SUN1: variants seen among roughly 807,000 people sequenced by gnomAD.
SUN1 encodes SUN domain-containing protein 1.
SUN1 carries 61 observed loss-of-function variants against 103.2 expected under a neutral mutation model. The ratio of observed to expected loss-of-function variants is 0.59; its 90% CI spans 0.48 to 0.73. SUN1 has a LOEUF of 0.73. SUN1 is among the 30% of genes least tolerant of loss of function. The pLI, the probability that SUN1 is intolerant of heterozygous loss-of-function variation, is 0.00. For synonymous variants in SUN1, 490 were observed against 425.7 expected (o/e 1.15, Z -1.86); for missense variants, 1,052 against 1,034.6 (o/e 1.02, Z -0.23).
chr7:872,902 C>G (rs1241867057), intron 18 of SUN1, among the ~76,000 whole-genome samples: 4 of 152,200 alleles, frequency 2.6e-5, no homozygotes, highest in African/African-American at 9.6e-5. Context: ...GCCTGACCAA[C>G]ATGGCGAAAC....
At chr7:863,134 T>A (rs997756761) in intron 15 of SUN1, among the ~76,000 whole-genome samples, 2 of 152,078 alleles carry the variant, frequency 1.3e-5, no homozygotes, top group Non-Finnish European at 2.9e-5. Flanking sequence ...AGAGCGAGAC[T>A]CCATCTCAAA....
chr7:852,990 A>G (rs377208699), intron 9 of SUN1, 38 bp downstream of exon 9: 12 of 1,587,224 alleles, frequency 7.6e-6, no homozygotes, highest in African/African-American at 5.4e-5. Context: ...GGCACTGCAC[A>G]TGTGAGGTCT....
intron 1 of SUN1, among the ~76,000 whole-genome samples, chr7:827,441 A>G (rs1271114077): frequency 6.6e-6 from 1 of 150,516 alleles, no homozygotes; most frequent in East Asian, 2.0e-4. Context: ...AGTGATATGG[A>G]GAGTAGGACT....
In SUN1 at chr7:838,887, T is replaced by G; in HGVS notation, c.167T>G (p.Leu56Trp). The G allele has an allele frequency of 6.2e-7, 1 of 1,609,444 alleles. No individual in the cohort carries two copies. The change falls in exon 2 of 19, where the codon TTG becomes TGG. Residue 56 changes from leucine (L) to tryptophan (W), a missense_variant. This residue lies in a region of SUN1 where 846 missense variants were observed against 774.5 expected (regional missense o/e 1.09). Coordinates refer to ENST00000401592, the MANE Select transcript of SUN1 (RefSeq NM_001130965.3). Reference sequence around the variant, plus strand: ...TCTCCACGGATGTCCCGCCGTAGTTTGCGCCTGGCCACGACAGCATGCACC... The same window carrying G: ...TCTCCACGGATGTCCCGCCGTAGTTGGCGCCTGGCCACGACAGCATGCACC... ...FDSPRMSRRSLRLATTACTLG... is the reference protein window; with the variant it reads ...FDSPRMSRRSWRLATTACTLG...
chr7:817,511 G>A (rs1354946539), intron 1 of SUN1: 1 of 1,535,816 alleles, frequency 6.5e-7, no homozygotes. Flanking sequence ...TGGGCGGTGC[G>A]GTCCGAGGTC....
intron 1 of SUN1, among the ~76,000 whole-genome samples, chr7:818,999 G>T (rs1239548109): frequency 6.6e-6 from 1 of 151,976 alleles, no homozygotes; most frequent in Non-Finnish European, 1.5e-5. Flanking sequence ...GAATAGCTGG[G>T]ATTACAGGTG....
At chr7:840,639 CTTTTT>C (rs540064618) in intron 2 of SUN1, among the ~76,000 whole-genome samples, 55,176 of 127,642 alleles carry the variant, frequency 0.43, 10,305 homozygotes, top group East Asian at 0.51. Flanking sequence ...ACCATCTATT[CTTTTT>C]TTTTTTTTTT....
At chr7:840,007 CA>C (rs1347836966) in intron 2 of SUN1, among the ~76,000 whole-genome samples, 2 of 152,254 alleles carry the variant, frequency 1.3e-5, no homozygotes, top group Non-Finnish European at 1.5e-5. Context: ...CAAAAGTCTA[CA>C]AGATCTTTGT....
intron 16 of SUN1, among the ~76,000 whole-genome samples, chr7:867,381 T>C (rs1331252491): frequency 1.3e-5 from 2 of 152,276 alleles, no homozygotes; most frequent in Non-Finnish European, 2.9e-5. Context: ...ACAGGTTTTC[T>C]GCACAGGGTT....
At chr7:846,349 C>T (rs535321294) in intron 5 of SUN1, among the ~76,000 whole-genome samples, 24 of 152,276 alleles carry the variant, frequency 1.6e-4, no homozygotes, top group Non-Finnish European at 2.8e-4. Context: ...CCTTGTGATC[C>T]GCCCACCTTG....
intron 5 of SUN1, among the ~76,000 whole-genome samples, chr7:845,555 C>T (rs1814736712): frequency 1.3e-5 from 2 of 152,018 alleles, no homozygotes; most frequent in African/African-American, 2.4e-5. Flanking sequence ...AAAAAACACA[C>T]TTCCAGAAAT....
intron 12 of SUN1, 23 bp from the exon 13 acceptor site, chr7:857,805 C>T: frequency 1.9e-6 from 3 of 1,559,796 alleles, no homozygotes; most frequent in Non-Finnish European, 2.6e-6. Context: ...TGTGTGTGAC[C>T]CATTCTCACT....
In SUN1 at chr7:860,291, CCCA is replaced by C. The variant is rs778586680; in HGVS notation, c.1693_1695del (p.His565del). 6.2e-7 allele frequency: 1 copy of C among 1,614,250 alleles called. No homozygotes were observed. Among genetic ancestry groups the C allele is most frequent in the South Asian group, 1.1e-5 (1 of 91,086 alleles). ...CAGCTGCAGATCCTGCGGAACGTCA[CCCA>C]CCACGTTTCCGTGACCAAGCAGCTC... is the stretch of plus-strand genomic sequence containing the variant. On this transcript the variant is annotated inframe_deletion, in exon 14 of 19. Transcript: ENST00000401592.
At chr7:855,321 C>G (rs1029317051) in intron 11 of SUN1, among the ~76,000 whole-genome samples, 13 of 152,230 alleles carry the variant, frequency 8.5e-5, no homozygotes, top group African/African-American at 2.9e-4. Context: ...AGGGTGCTTC[C>G]TCACTGCCAC....
chr7:839,220 G>A, intron 2 of SUN1: 1 of 433,038 alleles, frequency 2.3e-6, no homozygotes, highest in Non-Finnish European at 4.0e-6. Flanking sequence ...TGCTGTTCTT[G>A]TTTCAAGTTC....
At chr7:854,540 G>A (rs560071820) in intron 10 of SUN1, among the ~76,000 whole-genome samples, 18 of 152,370 alleles carry the variant, frequency 1.2e-4, no homozygotes, top group African/African-American at 4.1e-4. Context: ...GGCCCGAGGG[G>A]CGCTGGATGG....
chr7:845,517 A>C (rs1814683584), intron 5 of SUN1, among the ~76,000 whole-genome samples: 1 of 152,074 alleles, frequency 6.6e-6, no homozygotes, highest in South Asian at 2.1e-4. Flanking sequence ...GAAAATAAAA[A>C]TCACCTACAA....
chr7:853,333 A>G (rs1367203968), intron 9 of SUN1, 76 bp from the exon 10 acceptor site: 51 of 1,535,914 alleles, frequency 3.3e-5, no homozygotes, highest in South Asian at 1.6e-4. Context: ...GCTGTAGGAC[A>G]CTGTTTGGAG....
At chr7:860,004 C>T (rs1236835156) in intron 13 of SUN1, 124 bp from the exon 14 acceptor site, 1 of 1,264,552 alleles carries the variant, frequency 7.9e-7, no homozygotes, top group Non-Finnish European at 1.1e-6. Flanking sequence ...AAAACACTGT[C>T]ACAATGACAT....
Sources: gnomAD v4.1 joint callset for allele counts (sites outside exome capture counted in the v4.1 genomes callset) on GRCh38, gnomAD v4.1.1 for gene constraint, gnomAD v4.1.1 regional missense constraint, MANE v1.5 for transcripts, NCBI Gene and HGNC (gene_info 2026-07-23, HGNC 2026-07-21) for gene names.